KSR2: variants seen among roughly 807,000 people sequenced by gnomAD.
The protein encoded by KSR2 is kinase suppressor of ras 2.
A neutral mutation model predicts 107.8 loss-of-function variants in KSR2; 25 were observed. The observed-to-expected ratio is 0.23, with a 90% CI of 0.17 to 0.32. The LOEUF is 0.32. KSR2 is among the 10% of genes least tolerant of loss of function. The pLI, the probability that KSR2 is intolerant of heterozygous loss-of-function variation, is 1.00. For synonymous variants in KSR2, 480 were observed against 507.0 expected (o/e 0.95, Z 0.71); for missense variants, 887 against 1,268.9 (o/e 0.70, Z 4.57).
intron 14 of KSR2, among the ~76,000 whole-genome samples, chr12:117,488,596 G>A (rs1872591857): frequency 6.6e-6 from 1 of 152,182 alleles, no homozygotes; most frequent in Non-Finnish European, 1.5e-5. Flanking sequence ...GATATAAGGA[G>A]AAGTCAAAAG....
At chr12:117,579,228 C>A in intron 6 of KSR2, 26 bp from the exon 7 acceptor site, 1 of 1,569,762 alleles carries the variant, frequency 6.4e-7, no homozygotes, top group South Asian at 1.1e-5. Context: ...AGAAAATGTT[C>A]AAGGTTAAGG....
At chr12:117,960,582 G>A (rs1338805924) in intron 1 of KSR2, among the ~76,000 whole-genome samples, 4 of 152,120 alleles carry the variant, frequency 2.6e-5, no homozygotes, top group Non-Finnish European at 5.9e-5. Context: ...AGCCACAGTT[G>A]AGCCATCAGA....
intron 4 of KSR2, among the ~76,000 whole-genome samples, chr12:117,675,745 C>T (rs930704169): frequency 2.6e-5 from 4 of 152,194 alleles, no homozygotes; most frequent in Non-Finnish European, 4.4e-5. Context: ...AGCCTTTACC[C>T]GGCCAAATCC....
intron 3 of KSR2, among the ~76,000 whole-genome samples, chr12:117,774,683 CA>C (rs1889623534): frequency 6.6e-6 from 1 of 152,174 alleles, no homozygotes; most frequent in African/African-American, 2.4e-5. Context: ...GTGAAATTCA[CA>C]TTAACCATTT....
intron 11 of KSR2, 90 bp downstream of exon 11, chr12:117,531,576 C>G: frequency 8.8e-7 from 1 of 1,134,074 alleles, no homozygotes; most frequent in Non-Finnish European, 1.3e-6. Context: ...TAGGCACCCC[C>G]ACAACATCTG....
chr12:117,761,888 T>A (rs1889047154), intron 3 of KSR2, among the ~76,000 whole-genome samples: 1 of 152,254 alleles, frequency 6.6e-6, no homozygotes. Flanking sequence ...TCACATTATA[T>A]GTGCATTACA....
At chr12:117,493,268 C>T (rs576758001) in intron 14 of KSR2, among the ~76,000 whole-genome samples, 1 of 152,146 alleles carries the variant, frequency 6.6e-6, no homozygotes, top group Non-Finnish European at 1.5e-5. Context: ...GTTCATTCTT[C>T]GTCCAGTACT....
chr12:117,968,238 C>T lies in KSR2; in HGVS notation c.18G>A (p.Met6Ile). MDEENMTKSEEQQPLS... is the reference protein window; with the variant it reads MDEENITKSEEQQPLS... ...GAGGCTGCTGCTCCTCGCTTTTCGT[C>T]ATGTTTTCCTCATCCATCGCTTGCT... is the stretch of plus-strand genomic sequence containing the variant. Residue 6 changes from methionine to isoleucine, a missense_variant, in exon 1 of 20, where the codon ATG (methionine) becomes ATA (isoleucine). Transcript: ENST00000339824. 7.2e-7 allele frequency: 1 copy of T among 1,386,022 alleles called. No homozygotes were observed. Among genetic ancestry groups the T allele is most frequent in the Non-Finnish European group, 9.6e-7 (1 of 1,042,584 alleles). 85.9% of individuals were successfully genotyped at this position (1,386,022 alleles called of 1,614,324 possible).
chr12:117,943,711 C>T (rs148081453), intron 1 of KSR2, among the ~76,000 whole-genome samples: 235 of 152,072 alleles, frequency 1.5e-3, no homozygotes, highest in African/African-American at 5.5e-3. Flanking sequence ...AGTTGTAAAA[C>T]AAAAGGCCAT....
chr12:117,779,795 A>G (rs1889822155), intron 3 of KSR2, among the ~76,000 whole-genome samples: 1 of 152,210 alleles, frequency 6.6e-6, no homozygotes, highest in Admixed American at 6.5e-5. Context: ...GCCATGCAGA[A>G]CTATAAGTCA....
intron 5 of KSR2, among the ~76,000 whole-genome samples, chr12:117,607,659 G>GAGGAGAGGAA (rs1881353710): frequency 7.1e-6 from 1 of 141,598 alleles, no homozygotes; most frequent in Non-Finnish European, 1.5e-5. Flanking sequence ...GAGGAAAGGA[G>GAGGAGAGGAA]AGGAGAGGAG....
At chr12:117,487,459 C>G (rs1457248180) in intron 14 of KSR2, among the ~76,000 whole-genome samples, 2 of 152,178 alleles carry the variant, frequency 1.3e-5, no homozygotes. Flanking sequence ...CAGGGCTGAC[C>G]CTGCATCCCC....
chr12:117,931,537 A>G (rs1267845747), intron 1 of KSR2, among the ~76,000 whole-genome samples: 1 of 152,184 alleles, frequency 6.6e-6, no homozygotes, highest in Non-Finnish European at 1.5e-5. Flanking sequence ...TTCTAGGAAC[A>G]ACCCAGTCCA....
At chr12:117,560,836 T>A (rs577707050) in intron 7 of KSR2, among the ~76,000 whole-genome samples, 137 of 152,312 alleles carry the variant, frequency 9.0e-4, no homozygotes, top group African/African-American at 3.2e-3. Flanking sequence ...CATCTCCTTC[T>A]ATCTCTCTTG....
rs575730012 is a variant in KSR2, at chr12:117,731,356, C to T, written c.986+29655G>A. ...GTGAGGAGCCCCCCCGCCCAGCAGC[C>T]GCCCTGTCTGGGAAGTGAGGAGCGT... On this transcript the variant is annotated intron_variant, in intron 4 of 19. Transcript: ENST00000339824. Among the ~76,000 whole-genome samples, 7 of 148,092 alleles carry T rather than the reference C, an allele frequency of 4.7e-5. No individual in the cohort carries two copies. The South Asian group carries it at 6.3e-4, about 13-fold the overall frequency.
chr12:117,606,610 T>C, intron 5 of KSR2, among the ~76,000 whole-genome samples: 2 of 112,328 alleles, frequency 1.8e-5, no homozygotes, highest in African/African-American at 3.6e-5. Flanking sequence ...CCTCCTTCCT[T>C]CCTTCCTCCC....
chr12:117,508,311 T>C (rs1873825114), intron 14 of KSR2, among the ~76,000 whole-genome samples: 1 of 152,166 alleles, frequency 6.6e-6, no homozygotes, highest in Non-Finnish European at 1.5e-5. Context: ...GGAGTCGGCT[T>C]TAATTGTGAC....
chr12:117,942,762 G>A (rs2137539539), intron 1 of KSR2, among the ~76,000 whole-genome samples: 1 of 151,610 alleles, frequency 6.6e-6, no homozygotes, highest in Admixed American at 6.6e-5. Context: ...GGCCTTCCAA[G>A]GTGCTGGGAT....
intron 18 of KSR2, among the ~76,000 whole-genome samples, chr12:117,470,489 C>G (rs1410524934): frequency 2.0e-5 from 3 of 152,170 alleles, no homozygotes; most frequent in Non-Finnish European, 2.9e-5. Flanking sequence ...TCTAGAAGGT[C>G]TAGAATACAC....
Sources: gnomAD v4.1 joint callset for allele counts (sites outside exome capture counted in the v4.1 genomes callset) on GRCh38, gnomAD v4.1.1 for gene constraint, MANE v1.5 for transcripts, NCBI Gene and HGNC (gene_info 2026-07-23, HGNC 2026-07-21) for gene names.